Variants in NDST3 observed in about 807,000 individuals in gnomAD.
NDST3 encodes the protein N-deacetylase and N-sulfotransferase 3, also known as bifunctional heparan sulfate N-deacetylase/N-sulfotransferase 3.
Under a neutral mutation model 96.1 loss-of-function variants are expected in NDST3, and 58 were observed. That is an observed-to-expected ratio of 0.60 (90% CI 0.49 to 0.75). The LOEUF (loss-of-function observed/expected upper bound fraction) is 0.75. NDST3 is among the 30% of genes least tolerant of loss of function. The pLI is 0.00. For missense variants in NDST3, 788 were observed against 1,034.2 expected (o/e 0.76, Z 3.27); for synonymous variants, 333 against 359.7 (o/e 0.93, Z 0.84).
At chr4:118,161,871 T>C (rs1359221772) in intron 6 of NDST3, among the ~76,000 whole-genome samples, 1 of 152,156 alleles carries the variant, frequency 6.6e-6, no homozygotes. Flanking sequence ...CACGGTGCAC[T>C]GCACCCACTG....
chr4:118,094,903 C>T (rs548385516), intron 2 of NDST3, among the ~76,000 whole-genome samples: 2 of 151,900 alleles, frequency 1.3e-5, no homozygotes, highest in East Asian at 3.9e-4. Context: ...GCGTGATAGG[C>T]TGAGCATTTA....
intron 6 of NDST3, among the ~76,000 whole-genome samples, chr4:118,164,835 AGTT>A (rs1172385924): frequency 6.6e-6 from 1 of 152,178 alleles, no homozygotes; most frequent in African/African-American, 2.4e-5. Flanking sequence ...TTGAAGTTAA[AGTT>A]GTTATCAGCT....
At chr4:118,208,631 A>T (rs1292808073) in intron 6 of NDST3, among the ~76,000 whole-genome samples, 2 of 144,276 alleles carry the variant, frequency 1.4e-5, no homozygotes, top group East Asian at 3.9e-4. Flanking sequence ...GGAACAGTTC[A>T]TGGGTGACTT....
rs1217243861 is a variant in NDST3, at chr4:118,115,160, T to C, written c.1224+200T>C. 2.0e-5 allele frequency among the ~76,000 whole-genome samples: 3 copies of C among 152,210 alleles called. No individual in the cohort carries two copies. The East Asian group carries it at 5.8e-4, about 29-fold the overall frequency. Reference sequence around the variant, plus strand: ...ACTATGCTTAATGTTTTGAAGGATCTAATTTGAGAGGGACCTCACAAAATA... The same window carrying C: ...ACTATGCTTAATGTTTTGAAGGATCCAATTTGAGAGGGACCTCACAAAATA... On this transcript the variant is annotated intron_variant, in intron 4 of 13. Transcript: ENST00000296499.
At chr4:118,074,789 G>A (rs1227257563) in intron 2 of NDST3, among the ~76,000 whole-genome samples, 1 of 151,956 alleles carries the variant, frequency 6.6e-6, no homozygotes. Context: ...TTGTGTTTTT[G>A]GTGGGATATT....
rs773971123 is a variant in NDST3 at position 118,255,755 on chromosome 4, A to G, written c.*43A>G. 6.6e-7 allele frequency: 1 copy of G among 1,520,432 alleles called. No individual in the cohort carries two copies. Among genetic ancestry groups the G allele is most frequent in the Non-Finnish European group, 8.9e-7 (1 of 1,128,410 alleles). 94.2% of individuals were successfully genotyped at this position (1,520,432 alleles called of 1,614,324 possible). On this transcript the variant is annotated 3_prime_UTR_variant, in exon 14 of 14. Coordinates refer to ENST00000296499, the MANE Select transcript of NDST3 (RefSeq NM_004784.3). The stretch of plus-strand genomic sequence containing the variant: ...AGACTTCATCGTCCATGTAGAACAC[A>G]CCTTTTCCAAAGCTTCCAGAAGCTA...
intron 8 of NDST3, among the ~76,000 whole-genome samples, chr4:118,231,341 AAAT>A (rs753091274): frequency 0.31 from 42,600 of 137,588 alleles, 7,465 homozygotes; most frequent in Admixed American, 0.42. Flanking sequence ...ATCTAAAAAA[AAAT>A]AAATAAATAA....
intron 6 of NDST3, among the ~76,000 whole-genome samples, chr4:118,147,684 T>G (rs530142212): frequency 7.3e-4 from 111 of 152,334 alleles, no homozygotes; most frequent in Non-Finnish European, 1.2e-3. Context: ...CAGTTCCACC[T>G]ATCTTAGGAA....
chr4:118,138,641 G>A (rs888071088), intron 5 of NDST3, among the ~76,000 whole-genome samples: 1 of 152,050 alleles, frequency 6.6e-6, no homozygotes, highest in Non-Finnish European at 1.5e-5. Context: ...TATTTACCAT[G>A]CCAGGCTAAA....
intron 2 of NDST3, among the ~76,000 whole-genome samples, chr4:118,100,156 T>A (rs1729647140): frequency 6.6e-6 from 1 of 151,932 alleles, no homozygotes. Flanking sequence ...CAGATGGCCC[T>A]CCCCAATGTA....
chr4:118,089,319 C>CA (rs1728680834), intron 2 of NDST3, among the ~76,000 whole-genome samples: 1 of 151,796 alleles, frequency 6.6e-6, no homozygotes, highest in South Asian at 2.1e-4. Context: ...TTATCATTTA[C>CA]TACATTTTTT....
intron 4 of NDST3, among the ~76,000 whole-genome samples, chr4:118,135,930 G>GA (rs934005307): frequency 2.0e-5 from 3 of 151,588 alleles, no homozygotes; most frequent in Non-Finnish European, 2.9e-5. Flanking sequence ...TTAAAGCTAG[G>GA]AAAAAAAAGT....
At chr4:118,075,670 G>C (rs575248774) in intron 2 of NDST3, among the ~76,000 whole-genome samples, 2 of 152,260 alleles carry the variant, frequency 1.3e-5, no homozygotes, top group South Asian at 2.1e-4. Context: ...ATTTTTTCAT[G>C]TGTCTGTTGG....
chr4:118,105,241 A>G (rs1000691901), intron 3 of NDST3, 136 bp downstream of exon 3: 4 of 573,662 alleles, frequency 7.0e-6, no homozygotes, highest in East Asian at 3.0e-5. Flanking sequence ...TCTATTTAAC[A>G]TGCTATTTTT....
At chr4:118,119,764 C>G (rs1238667015) in intron 4 of NDST3, among the ~76,000 whole-genome samples, 1 of 152,142 alleles carries the variant, frequency 6.6e-6, no homozygotes, top group African/African-American at 2.4e-5. Context: ...ATACTTTACC[C>G]CTATCCTGCT....
intron 4 of NDST3, among the ~76,000 whole-genome samples, chr4:118,119,090 C>T (rs987878620): frequency 2.0e-4 from 30 of 152,146 alleles, no homozygotes; most frequent in Admixed American, 2.0e-3. Flanking sequence ...TTCCTGATAA[C>T]ATAAAATCTT....
At chr4:118,077,712 G>A (rs1026281019) in intron 2 of NDST3, among the ~76,000 whole-genome samples, 3 of 152,178 alleles carry the variant, frequency 2.0e-5, no homozygotes, top group Non-Finnish European at 4.4e-5. Flanking sequence ...CAAGAGTGAG[G>A]GCTCCTTCCT....
At chr4:118,160,210 G>A (rs1205925994) in intron 6 of NDST3, among the ~76,000 whole-genome samples, 1 of 152,144 alleles carries the variant, frequency 6.6e-6, no homozygotes, top group Non-Finnish European at 1.5e-5. Context: ...ACTATGAGGA[G>A]ATATCTAGCA....
chr4:118,213,808 T>C (rs375507750), intron 6 of NDST3, among the ~76,000 whole-genome samples: 49 of 151,402 alleles, frequency 3.2e-4, no homozygotes, highest in African/African-American at 9.9e-4. Flanking sequence ...TTTTTTGACA[T>C]TTTCTGTTTT....
Sources: allele counts gnomAD v4.1 joint callset (sites outside exome capture counted in the v4.1 genomes callset), GRCh38; gene constraint gnomAD v4.1.1; transcripts MANE v1.5; gene names NCBI Gene and HGNC (gene_info 2026-07-23, HGNC 2026-07-21).